The following ZFPM1 variants were observed in gnomAD, a reference collection of about 807,000 sequenced individuals.
The protein encoded by ZFPM1 is zinc finger protein ZFPM1.
In ZFPM1, 28 loss-of-function variants were observed where a neutral mutation model predicts 46.3. The ratio of observed to expected loss-of-function variants is 0.60; its 90% CI spans 0.45 to 0.83. ZFPM1 has a LOEUF of 0.83. Among genes scored for constraint, ZFPM1 ranks in the 40% least tolerant of loss-of-function variants. The pLI is 0.00. For synonymous variants in ZFPM1, 957 were observed against 675.9 expected (o/e 1.42, Z -6.45); for missense variants, 1,878 against 1,432.4 (o/e 1.31, Z -5.02).
chr16:88,478,992 C>T (rs932186682), intron 1 of ZFPM1, among the ~76,000 whole-genome samples: 1 of 152,238 alleles, frequency 6.6e-6, no homozygotes, highest in Non-Finnish European at 1.5e-5. Context: ...AGGGCGTGTG[C>T]CGAGCCTGGG....
At chr16:88,490,762 G>T (rs947411389) in intron 3 of ZFPM1, among the ~76,000 whole-genome samples, 1 of 152,228 alleles carries the variant, frequency 6.6e-6, no homozygotes, top group Non-Finnish European at 1.5e-5. Flanking sequence ...TGCATGGGCT[G>T]TGGGGCTGCC....
chr16:88,533,726 A>C lies in ZFPM1; in HGVS notation c.1768A>C (p.Asn590His). ...FECEITFSNV[N>H]NYYVHKRLYC... Reference sequence around the variant, plus strand: ...GTGCGAGATCACCTTCAGCAACGTCAACAACTACTACGTGCACAAGCGCCT... The same window carrying C: ...GTGCGAGATCACCTTCAGCAACGTCCACAACTACTACGTGCACAAGCGCCT... Residue 590 changes from asparagine (N) to histidine (H), a missense_variant, in exon 10 of 10, where the codon AAC becomes CAC. By Grantham distance (68) the Asn-to-His change is moderately conservative. Transcript: ENST00000319555. 1 of 1,514,014 alleles carries C rather than the reference A, an allele frequency of 6.6e-7. No homozygotes were observed. The highest frequency in any genetic ancestry group is 2.8e-5 in the East Asian group (1 of 35,636). 93.8% of individuals were successfully genotyped at this position (1,514,014 alleles called of 1,614,324 possible). A position where few individuals can be genotyped will look rare whatever the true frequency, so the allele number is the denominator to read the frequency against.
At chr16:88,454,819 C>G (rs1169679778) in intron 1 of ZFPM1, among the ~76,000 whole-genome samples, 1 of 152,188 alleles carries the variant, frequency 6.6e-6, no homozygotes, top group Non-Finnish European at 1.5e-5. Context: ...CAGGAGGCCA[C>G]GACGGAAACC....
chr16:88,483,058 C>G (rs1407684121), intron 1 of ZFPM1, among the ~76,000 whole-genome samples: 2 of 152,148 alleles, frequency 1.3e-5, no homozygotes, highest in African/African-American at 2.4e-5. Context: ...TGCCCTGGAG[C>G]CTGCCCGTGT....
At chr16:88,500,619 C>T (rs905915972) in intron 3 of ZFPM1, among the ~76,000 whole-genome samples, 11 of 152,262 alleles carry the variant, frequency 7.2e-5, no homozygotes, top group African/African-American at 1.9e-4. Context: ...GTGCTGTTGC[C>T]GTTACTGGCA....
At chr16:88,458,464 T>A (rs529594502) in intron 1 of ZFPM1, among the ~76,000 whole-genome samples, 1 of 152,340 alleles carries the variant, frequency 6.6e-6, no homozygotes, top group East Asian at 1.9e-4. Flanking sequence ...ACTGGGGATT[T>A]AAATGGGTCA....
intron 1 of ZFPM1, among the ~76,000 whole-genome samples, chr16:88,459,566 C>A: frequency 7.8e-6 from 1 of 127,756 alleles, no homozygotes; most frequent in South Asian, 3.4e-4. Context: ...TCTTCATTCC[C>A]CCCTCCTCTT....
At position 88,471,380 on chromosome 16, in the gene ZFPM1, G is replaced by T. The variant is rs62048964; in HGVS notation, c.41-14559G>T. On this transcript the variant is annotated intron_variant, in intron 1 of 9. Transcript: ENST00000319555. The surrounding 1 kb of genome is among the most constrained non-coding windows in gnomAD (Gnocchi z 4.1). Reference sequence around the variant, plus strand: ...GCTCCCGCTCACAGTTCAGGACCCCGAGATGACCGTGCCCACAGTGGCTCC... The same window carrying T: ...GCTCCCGCTCACAGTTCAGGACCCCTAGATGACCGTGCCCACAGTGGCTCC... Among the ~76,000 whole-genome samples, 2,794 of 152,310 alleles carry T rather than the reference G, an allele frequency of 0.018. 39 individuals are homozygous for T. Among genetic ancestry groups the T allele is most frequent in the Middle Eastern group, 0.041 (12 of 294 alleles).
intron 1 of ZFPM1, among the ~76,000 whole-genome samples, chr16:88,485,082 G>A (rs373981682): frequency 6.6e-6 from 1 of 152,230 alleles, no homozygotes; most frequent in Non-Finnish European, 1.5e-5. Context: ...TTCCCAGACC[G>A]AGGGAATGAG....
At position 88,461,141 on chromosome 16, in the gene ZFPM1, GGTGAGGACCGAGGGGCGGGAGA is replaced by G. The variant is rs1430971114; in HGVS notation, c.40+7464_40+7485del. ...GACCCAGGGATGGGGCGGGAGACCTGGTGAGGACCGAGGGGCGGGAGACCTGGTGAGGACCGAGGGGCGGGGC... is the reference window on the plus strand; with the variant it reads ...GACCCAGGGATGGGGCGGGAGACCTGCCTGGTGAGGACCGAGGGGCGGGGC... On this transcript the variant is annotated intron_variant, in intron 1 of 9. Transcript: ENST00000319555. Among the ~76,000 whole-genome samples the G allele has an allele frequency of 1.5e-4, 19 of 125,704 alleles. 1 individual carries two copies. Among genetic ancestry groups the G allele is most frequent in the South Asian group, 2.5e-4 (1 of 4,036 alleles). The allele number at this position is 125,704 out of a possible 152,430, so 82.5% of individuals were successfully genotyped here.
At position 88,534,184 on chromosome 16, in the gene ZFPM1, A is replaced by G. The variant is rs1220147373; in HGVS notation, c.2226A>G (p.Arg742=). Residue 742 remains arginine, a synonymous_variant, in exon 10 of 10, where the codon AGA becomes AGG. Coordinates refer to ENST00000319555, the MANE Select transcript of ZFPM1 (RefSeq NM_153813.3). The part of the protein sequence containing the change: ...PSPAAPVRTR[R]RRKLYELHAA... ...CCGCCGCGCCTGTGCGCACGCGCAG[A>G]CGCCGCAAGCTCTACGAGCTGCACG... is the stretch of plus-strand genomic sequence containing the variant. 3 of 984,618 alleles carry G rather than the reference A, an allele frequency of 3.0e-6. No individual in the cohort carries two copies. Among genetic ancestry groups the G allele is most frequent in the Admixed American group, 6.3e-5 (1 of 15,840 alleles). 61.0% of individuals were successfully genotyped at this position (984,618 alleles called of 1,614,324 possible).
At chr16:88,521,528 C>T (rs1911884733) in intron 4 of ZFPM1, among the ~76,000 whole-genome samples, 1 of 145,974 alleles carries the variant, frequency 6.9e-6, no homozygotes, top group South Asian at 2.2e-4. Flanking sequence ...GTGCTGTTCC[C>T]CCAACCCGTG....
chr16:88,517,388 G>A (rs1285379472), intron 4 of ZFPM1, among the ~76,000 whole-genome samples: 1 of 150,658 alleles, frequency 6.6e-6, no homozygotes, highest in African/African-American at 2.4e-5. Flanking sequence ...GGGTGGATGG[G>A]TGGATGCATG....
intron 4 of ZFPM1, 53 bp from the exon 5 acceptor site, chr16:88,526,761 C>T (rs1041187237): frequency 1.4e-5 from 21 of 1,529,476 alleles, no homozygotes; most frequent in Non-Finnish European, 2.6e-6. Flanking sequence ...CGGGAACCCC[C>T]AGGCAGGCTG....
At chr16:88,496,624 C>A (rs919975567) in intron 3 of ZFPM1, among the ~76,000 whole-genome samples, 3 of 151,968 alleles carry the variant, frequency 2.0e-5, no homozygotes, top group Non-Finnish European at 2.9e-5. Flanking sequence ...AAAGTCCCCA[C>A]CTGCCCTGGC....
Position 88,532,207 on chromosome 16 carries a change from C to T in ZFPM1, c.918C>T (p.Ser306=). ...QCRKSCPSAS[S]LEIHMRSHSG... is the part of the protein sequence containing the mutation. ...GCAAGAGCTGCCCCAGCGCCAGCTC[C>T]CTGGAGATCCACATGCGCAGCCACA... is the stretch of plus-strand genomic sequence containing the variant. Residue 306 remains serine, a synonymous_variant, in exon 7 of 10, where the codon TCC becomes TCT. Transcript: ENST00000319555. 3 of 1,608,076 alleles carry T rather than the reference C, an allele frequency of 1.9e-6. No individual in the cohort carries two copies. Among genetic ancestry groups the T allele is most frequent in the Non-Finnish European group, 2.5e-6 (3 of 1,176,556 alleles).
chr16:88,536,389 G>C lies in ZFPM1; in HGVS notation c.*1410G>C, dbSNP rs540909591. On this transcript the variant is annotated 3_prime_UTR_variant, in exon 10 of 10. Coordinates refer to ENST00000319555, the MANE Select transcript of ZFPM1 (RefSeq NM_153813.3). ...GGGTCTTCCTGTGTTGCCCAAGATG[G>C]TCTCAAACTCCTGACCTCCAGTGCT... 1.3e-5 allele frequency: 2 copies of C among 152,280 alleles called. No homozygotes were observed. Among genetic ancestry groups the C allele is most frequent in the East Asian group, 3.9e-4 (2 of 5,186 alleles). 9.4% of individuals were successfully genotyped at this position (152,280 alleles called of 1,614,324 possible).
At position 88,471,848 on chromosome 16, in the gene ZFPM1, G is replaced by A. The variant is rs1003166416; in HGVS notation, c.41-14091G>A. On this transcript the variant is annotated intron_variant, in intron 1 of 9. Coordinates refer to ENST00000319555, the MANE Select transcript of ZFPM1 (RefSeq NM_153813.3). This position sits in a 1 kb window ranked among gnomAD's most constrained non-coding sequence, Gnocchi z 4.1. ...GGGCGAGGCCCCCGCGGGCTGGGAG[G>A]GCTCTGGGCCTCCGGCTGGCTGTGC... Among the ~76,000 whole-genome samples the A allele has an allele frequency of 1.3e-5, 2 of 152,278 alleles. No individual in the cohort carries two copies. The highest frequency in any genetic ancestry group is 4.8e-5 in the African/African-American group (2 of 41,478).
At chr16:88,514,668 G>A in intron 4 of ZFPM1, 148 bp downstream of exon 4, 1 of 1,172,080 alleles carries the variant, frequency 8.5e-7, no homozygotes, top group Non-Finnish European at 1.2e-6. Flanking sequence ...AGGATAGGGA[G>A]GGATTCGCTG....
Sources: gnomAD v4.1 joint callset for allele counts (sites outside exome capture counted in the v4.1 genomes callset) on GRCh38, gnomAD v4.1.1 for gene constraint, Gnocchi (gnomAD v3.1) non-coding constraint, MANE v1.5 for transcripts, NCBI Gene and HGNC (gene_info 2026-07-23, HGNC 2026-07-21) for gene names.